The following SYT1 variants were observed in gnomAD, a reference collection of about 807,000 sequenced individuals.
SYT1 encodes synaptotagmin-1.
Under a neutral mutation model 44.8 loss-of-function variants are expected in SYT1, and 8 were observed. The ratio of observed to expected loss-of-function variants is 0.18; its 90% CI spans 0.10 to 0.32. SYT1 has a LOEUF of 0.32. Among genes scored for constraint, SYT1 ranks in the 10% least tolerant of loss-of-function variants. The probability of loss-of-function intolerance (pLI) is 1.00; values close to 1 mark genes in which losing one functional copy is unlikely to be tolerated. For missense variants in SYT1, 286 were observed against 509.3 expected, an observed-to-expected ratio of 0.56 and a Z score of 4.22; for synonymous variants, 154 against 188.8, an observed-to-expected ratio of 0.82 and a Z score of 1.51.
chr12:79,216,542 C>A (rs1421856540), intron 3 of SYT1, among the ~76,000 whole-genome samples: 1 of 152,078 alleles, frequency 6.6e-6, no homozygotes, highest in Non-Finnish European at 1.5e-5. Flanking sequence ...CCAGGAAGGG[C>A]AGGTTTTAGT....
intron 3 of SYT1, among the ~76,000 whole-genome samples, chr12:79,092,866 A>G (rs962385743): frequency 2.0e-5 from 3 of 151,760 alleles, no homozygotes; most frequent in African/African-American, 7.2e-5. Context: ...GCCATGGTTA[A>G]AAACCTAATG....
At chr12:79,335,712 C>G (rs1403135641) in intron 8 of SYT1, among the ~76,000 whole-genome samples, 1 of 152,166 alleles carries the variant, frequency 6.6e-6, no homozygotes, top group Non-Finnish European at 1.5e-5. Flanking sequence ...AAAACACATA[C>G]CCTGTGCTAA....
At chr12:79,337,910 C>T (rs993061768) in intron 8 of SYT1, among the ~76,000 whole-genome samples, 1 of 152,176 alleles carries the variant, frequency 6.6e-6, no homozygotes, top group African/African-American at 2.4e-5. Flanking sequence ...TATGAGGCAG[C>T]TTTATCCCAG....
At chr12:79,149,625 T>C (rs1049724572) in intron 3 of SYT1, among the ~76,000 whole-genome samples, 1 of 152,126 alleles carries the variant, frequency 6.6e-6, no homozygotes, top group Non-Finnish European at 1.5e-5. Flanking sequence ...CCATACTTTA[T>C]GGAAAAGATT....
intron 8 of SYT1, among the ~76,000 whole-genome samples, chr12:79,307,572 C>T (rs1880458745): frequency 7.1e-6 from 1 of 141,522 alleles, no homozygotes; most frequent in Admixed American, 7.2e-5. Flanking sequence ...TCCGGGGCGC[C>T]TGGCCCTGGG....
intron 4 of SYT1, among the ~76,000 whole-genome samples, chr12:79,220,384 T>C (rs973901452): frequency 6.6e-6 from 1 of 152,036 alleles, no homozygotes; most frequent in Admixed American, 6.6e-5. Context: ...TGATCTTTTC[T>C]GTTGTTTCTG....
At chr12:79,123,507 T>C (rs2138144340) in intron 3 of SYT1, among the ~76,000 whole-genome samples, 1 of 152,276 alleles carries the variant, frequency 6.6e-6, no homozygotes, top group African/African-American at 2.4e-5. Context: ...CTCATAGGGA[T>C]TGAGTAACTT....
rs1416330347 is a variant in SYT1 at position 79,196,380 on chromosome 12, A to T, written c.-17-21123A>T. Among the ~76,000 whole-genome samples, 6 of 151,998 alleles carry T rather than the reference A, an allele frequency of 3.9e-5. No homozygotes were observed. In the East Asian group the frequency reaches 9.7e-4, roughly 24 times the overall value. On this transcript the variant is annotated intron_variant, in intron 3 of 10. Transcript: ENST00000261205. The stretch of plus-strand genomic sequence containing the variant: ...ATGGGGTTTCACCATGTTGGCCAGG[A>T]TGGTCTCGATTTCTTGACCTCGTGA...
chr12:79,269,273 A>G (rs1341395279), intron 4 of SYT1, among the ~76,000 whole-genome samples: 1 of 152,136 alleles, frequency 6.6e-6, no homozygotes, highest in Non-Finnish European at 1.5e-5. Context: ...GTCCCTCTCC[A>G]TGAGCTTTAT....
At chr12:79,167,865 G>A (rs1394774771) in intron 3 of SYT1, among the ~76,000 whole-genome samples, 1 of 152,004 alleles carries the variant, frequency 6.6e-6, no homozygotes. Context: ...GCTGTTGCAT[G>A]TCAGGTCATC....
intron 4 of SYT1, among the ~76,000 whole-genome samples, chr12:79,234,739 T>C (rs1876084828): frequency 6.9e-6 from 1 of 145,276 alleles, no homozygotes; most frequent in Non-Finnish European, 1.5e-5. Context: ...TGAGATGAAG[T>C]CTTGCTGTGT....
intron 4 of SYT1, among the ~76,000 whole-genome samples, chr12:79,222,606 C>A (rs1190601036): frequency 6.6e-6 from 1 of 152,166 alleles, no homozygotes; most frequent in African/African-American, 2.4e-5. Flanking sequence ...TGGTCTCGAA[C>A]TCCTGACCTC....
chr12:79,207,928 T>C lies in SYT1; in HGVS notation c.-17-9575T>C, dbSNP rs181086191. Among the ~76,000 whole-genome samples, 227 of 152,282 alleles carry C rather than the reference T, an allele frequency of 1.5e-3. 1 individual carries two copies. The highest frequency in any genetic ancestry group is 5.2e-3 in the African/African-American group (216 of 41,544). On this transcript the variant is annotated intron_variant, in intron 3 of 10. Coordinates refer to ENST00000261205, the MANE Select transcript of SYT1 (RefSeq NM_005639.3). ...AGAATTCTCATTAACAATATGAAAT[T>C]TGCAAGTTGGTAAGTCAGTTTTCCA...
At chr12:79,325,843 G>A (rs1200139634) in intron 8 of SYT1, among the ~76,000 whole-genome samples, 1 of 152,204 alleles carries the variant, frequency 6.6e-6, no homozygotes, top group African/African-American at 2.4e-5. Flanking sequence ...GGGATTAGAT[G>A]AGATGCAATA....
intron 2 of SYT1, among the ~76,000 whole-genome samples, chr12:79,027,804 T>C (rs1289339301): frequency 6.6e-6 from 1 of 151,580 alleles, no homozygotes; most frequent in Non-Finnish European, 1.5e-5. Context: ...TATAAAAGCA[T>C]AGCACCACAT....
intron 8 of SYT1, among the ~76,000 whole-genome samples, chr12:79,322,795 G>A (rs1881428270): frequency 6.6e-6 from 1 of 152,042 alleles, no homozygotes; most frequent in South Asian, 2.1e-4. Flanking sequence ...AGGCAGCTGG[G>A]AATGACTTTC....
intron 1 of SYT1, among the ~76,000 whole-genome samples, chr12:78,969,898 G>T (rs192936081): frequency 1.6e-3 from 242 of 152,206 alleles, no homozygotes; most frequent in African/African-American, 5.5e-3. Context: ...ACAAGTAAAG[G>T]CCCAGGATTC....
intron 2 of SYT1, among the ~76,000 whole-genome samples, chr12:79,028,471 A>G (rs1246615283): frequency 6.6e-6 from 1 of 151,366 alleles, no homozygotes; most frequent in Non-Finnish European, 1.5e-5. Flanking sequence ...TAGAGCCTGT[A>G]TATTCGTTAC....
intron 4 of SYT1, among the ~76,000 whole-genome samples, chr12:79,266,287 A>G (rs1565882290): frequency 6.6e-6 from 1 of 152,222 alleles, no homozygotes; most frequent in Non-Finnish European, 1.5e-5. Flanking sequence ...TTGATATATG[A>G]TAATACAAAA....
Sources: gnomAD v4.1 joint callset for allele counts (sites outside exome capture counted in the v4.1 genomes callset) on GRCh38, gnomAD v4.1.1 for gene constraint, MANE v1.5 for transcripts, NCBI Gene and HGNC (gene_info 2026-07-23, HGNC 2026-07-21) for gene names.